Variants in SCAND3 observed in about 807,000 individuals in gnomAD.
SCAND3 encodes SCAN domain-containing protein 3.
At chr6:28,608,983 A>C in the SCAND3 span, among the ~76,000 whole-genome samples, 1 of 152,106 alleles carries the variant, frequency 6.6e-6, no homozygotes, top group Admixed American at 6.6e-5. Context: ...AACAGAGCGA[A>C]ACACTGTCTG....
chr6:28,613,558 C>G, the SCAND3 span, among the ~76,000 whole-genome samples: 2 of 152,108 alleles, frequency 1.3e-5, no homozygotes, highest in Non-Finnish European at 2.9e-5. Context: ...TTCTCTCTGC[C>G]TTCAATTCAG....
At chr6:28,605,190 G>C in the SCAND3 span, among the ~76,000 whole-genome samples, 7 of 152,158 alleles carry the variant, frequency 4.6e-5, no homozygotes, top group South Asian at 2.1e-4. Context: ...CCAACTCCCA[G>C]GAACTTTAGG....
chr6:28,603,181 G>T, the SCAND3 span, among the ~76,000 whole-genome samples: 1 of 151,708 alleles, frequency 6.6e-6, no homozygotes, highest in African/African-American at 2.4e-5. Context: ...AGCCAGGGTG[G>T]TCTCCTGACC....
the SCAND3 span, chr6:28,589,810 C>A: frequency 2.0e-5 from 3 of 151,176 alleles, no homozygotes; most frequent in Non-Finnish European, 4.4e-5. Context: ...TGTAAAGTGG[C>A]TGAGCCTTGG....
the SCAND3 span, chr6:28,573,241 T>G: frequency 6.2e-7 from 1 of 1,614,120 alleles, no homozygotes; most frequent in Non-Finnish European, 8.5e-7. Flanking sequence ...TTCCATATCA[T>G]TAGCCAGTTC....
the SCAND3 span, chr6:28,589,485 C>T: frequency 2.0e-5 from 3 of 152,084 alleles, no homozygotes; most frequent in Non-Finnish European, 4.4e-5. Context: ...CCTGGCTTGG[C>T]CTCTGAATGT....
chr6:28,597,305 A>G, the SCAND3 span, among the ~76,000 whole-genome samples: 1 of 152,190 alleles, frequency 6.6e-6, no homozygotes, highest in Non-Finnish European at 1.5e-5. Flanking sequence ...ACTCAGACCC[A>G]TCCTTTCAGA....
chr6:28,610,178 A>C, the SCAND3 span, among the ~76,000 whole-genome samples: 1 of 152,160 alleles, frequency 6.6e-6, no homozygotes, highest in South Asian at 2.1e-4. Flanking sequence ...CAGGTTTTTA[A>C]AATAACCTTA....
At chr6:28,609,510 G>C in the SCAND3 span, among the ~76,000 whole-genome samples, 1 of 152,148 alleles carries the variant, frequency 6.6e-6, no homozygotes, top group Non-Finnish European at 1.5e-5. Context: ...TTTCTTCTCA[G>C]GAAATAACAG....
chr6:28,613,439 A>T, the SCAND3 span, among the ~76,000 whole-genome samples: 49 of 152,354 alleles, frequency 3.2e-4, no homozygotes, highest in South Asian at 6.6e-3. Context: ...CTTTTCCACC[A>T]TGTATACAGC....
At chr6:28,576,606 T>C in the SCAND3 span, among the ~76,000 whole-genome samples, 2 of 151,890 alleles carry the variant, frequency 1.3e-5, no homozygotes, top group Non-Finnish European at 2.9e-5. Context: ...TTTGGTGGAA[T>C]GAAGAGCGTA....
the SCAND3 span, among the ~76,000 whole-genome samples, chr6:28,608,711 T>A: frequency 1.3e-5 from 2 of 152,198 alleles, no homozygotes; most frequent in African/African-American, 4.8e-5. Context: ...TAATAGATGT[T>A]TATGAGGCTG....
the SCAND3 span, chr6:28,586,260 C>T: frequency 6.5e-7 from 1 of 1,535,016 alleles, no homozygotes; most frequent in South Asian, 1.3e-5. This position sits in a 1 kb window ranked among gnomAD's most constrained non-coding sequence, Gnocchi z 4.4. Context: ...TCCATGCACC[C>T]AAATTCTCCA....
chr6:28,574,305 G>A, the SCAND3 span, among the ~76,000 whole-genome samples: 1 of 152,092 alleles, frequency 6.6e-6, no homozygotes, highest in African/African-American at 2.4e-5. Context: ...TAAGTCATAA[G>A]TAACCTCCAT....
At chr6:28,607,395 T>A in the SCAND3 span, among the ~76,000 whole-genome samples, 137,675 of 152,242 alleles carry the variant, frequency 0.9, 62,311 homozygotes, top group Middle Eastern at 0.94. Flanking sequence ...CAGGAAGGTC[T>A]TGAACCCTTT....
the SCAND3 span, among the ~76,000 whole-genome samples, chr6:28,607,143 C>G: frequency 2.6e-5 from 4 of 152,144 alleles, no homozygotes; most frequent in Non-Finnish European, 1.5e-5. Context: ...TGCAAAGCAA[C>G]CTGTCTGTGG....
chr6:28,572,081 G>A, the SCAND3 span: 1 of 1,614,046 alleles, frequency 6.2e-7, no homozygotes, highest in Non-Finnish European at 8.5e-7. The surrounding 1 kb of genome is among the most constrained non-coding windows in gnomAD (Gnocchi z 4.1). Flanking sequence ...GAGGGGAAAA[G>A]AAGCAGCAAT....
At chr6:28,598,891 A>AG in the SCAND3 span, among the ~76,000 whole-genome samples, 2 of 148,654 alleles carry the variant, frequency 1.3e-5, no homozygotes, top group Admixed American at 6.7e-5. Context: ...AAAAAAAAAA[A>AG]AAAGAAAAAA....
chr6:28,590,479 A>C, the SCAND3 span: 1 of 152,336 alleles, frequency 6.6e-6, no homozygotes, highest in South Asian at 2.1e-4. Context: ...CCTTATAGAC[A>C]CTAATTTAGC....
Sources: gnomAD v4.1 joint callset for allele counts (sites outside exome capture counted in the v4.1 genomes callset) on GRCh38, gnomAD v4.1.1 for gene constraint, Gnocchi (gnomAD v3.1) non-coding constraint, MANE v1.5 for transcripts, NCBI Gene and HGNC (gene_info 2026-07-23, HGNC 2026-07-21) for gene names.